Variants in ZNF727 observed in about 807,000 individuals in gnomAD.
ZNF727 encodes the protein putative zinc finger protein 727.
A neutral mutation model predicts 11.5 loss-of-function variants in ZNF727; 11 were observed. That is an observed-to-expected ratio of 0.95 (90% CI 0.60 to 1.58). ZNF727 has a LOEUF of 1.58. Among genes scored for constraint, ZNF727 ranks in the 40% most tolerant of loss-of-function variants. ZNF727 has a pLI of 0.00. For missense variants in ZNF727, 533 were observed against 581.7 expected (o/e 0.92, Z 0.86); for synonymous variants, 171 against 196.1 (o/e 0.87, Z 1.07).
intron 1 of ZNF727, among the ~76,000 whole-genome samples, chr7:64,055,496 A>G (rs1789670103): frequency 6.6e-6 from 1 of 152,032 alleles, no homozygotes; most frequent in Non-Finnish European, 1.5e-5. Context: ...GATGTTCATA[A>G]TTCTTTTTGT....
Position 64,082,422 on chromosome 7 carries a change from T to C in ZNF727, c.*3873T>C, listed in dbSNP as rs2116341260. The stretch of plus-strand genomic sequence containing the variant: ...TGACAACATTATCACCAGTGAATAC[T>C]GTAAAACAGCAACAATGGCAGCATG... On this transcript the variant is annotated 3_prime_UTR_variant, in exon 4 of 4. Coordinates refer to ENST00000456806, the MANE Select transcript of ZNF727 (RefSeq NM_001159522.3). 6.6e-6 allele frequency among the ~76,000 whole-genome samples: 1 copy of C among 152,366 alleles called. No homozygotes were observed. The highest frequency in any genetic ancestry group is 1.5e-5 in the Non-Finnish European group (1 of 68,038).
Position 64,077,914 on chromosome 7 carries a change from T to C in ZNF727, c.865T>C (p.Cys289Arg). Residue 289 changes from cysteine to arginine, a missense_variant, in exon 4 of 4, where the codon TGT becomes CGT. This residue lies in a region of ZNF727 where 463 missense variants were observed against 494.5 expected (regional missense o/e 0.94). Coordinates refer to ENST00000456806, the MANE Select transcript of ZNF727 (RefSeq NM_001159522.3). ...TGEKPYKCKE[C>R]HKAFRCCSDL... ...AGAGAAACCCTACAAATGTAAAGAA[T>C]GTCACAAAGCCTTTAGGTGTTGCTC... The C allele has an allele frequency of 6.3e-7, 1 of 1,587,260 alleles. No homozygotes were observed. The highest frequency in any genetic ancestry group is 8.6e-7 in the Non-Finnish European group (1 of 1,166,138).
chr7:64,069,643 T>A (rs1185899300), intron 3 of ZNF727, 34 bp downstream of exon 3: 1 of 1,492,386 alleles, frequency 6.7e-7, no homozygotes, highest in Non-Finnish European at 9.1e-7. Context: ...ATGACATAAA[T>A]GACGGTTCCC....
intron 1 of ZNF727, among the ~76,000 whole-genome samples, chr7:64,061,193 T>G (rs1358287234): frequency 6.6e-6 from 1 of 152,194 alleles, no homozygotes; most frequent in Non-Finnish European, 1.5e-5. Flanking sequence ...GTCTATTTGG[T>G]CCATAGTGCA....
In ZNF727 at chr7:64,079,614, T is replaced by C. The variant is rs1785752015; in HGVS notation, c.*1065T>C. On this transcript the variant is annotated 3_prime_UTR_variant, in exon 4 of 4. Transcript: ENST00000456806. ...CAGCATACCATTAGATCTTGGTTCT[T>C]TATTTGCCACTCTGTTTTTTAATTT... Among the ~76,000 whole-genome samples the C allele has an allele frequency of 6.6e-6, 1 of 152,200 alleles. No individual in the cohort carries two copies. The highest frequency in any genetic ancestry group is 1.5e-5 in the Non-Finnish European group (1 of 68,022).
chr7:64,052,567 C>T (rs139562781), intron 1 of ZNF727, among the ~76,000 whole-genome samples: 4,154 of 152,166 alleles, frequency 0.027, 197 homozygotes, highest in East Asian at 0.18. Flanking sequence ...GGGTCAGAGC[C>T]CCCACACAAA....
At chr7:64,075,457 G>A (rs1267190075) in intron 3 of ZNF727, among the ~76,000 whole-genome samples, 1 of 151,134 alleles carries the variant, frequency 6.6e-6, no homozygotes, top group Non-Finnish European at 1.5e-5. Context: ...AAACTTCATT[G>A]TCTTCAATAG....
chr7:64,062,817 A>G (rs1241688549), intron 1 of ZNF727, among the ~76,000 whole-genome samples: 1 of 149,652 alleles, frequency 6.7e-6, no homozygotes, highest in Non-Finnish European at 1.5e-5. Flanking sequence ...TTTTTGTCTC[A>G]TCTGACTGTA....
Position 64,082,214 on chromosome 7 carries a change from G to A in ZNF727, c.*3665G>A, listed in dbSNP as rs191168845. Among the ~76,000 whole-genome samples, 12 of 152,266 alleles carry A rather than the reference G, an allele frequency of 7.9e-5. No homozygotes were observed. Among genetic ancestry groups the A allele is most frequent in the East Asian group, 7.8e-4 (4 of 5,158 alleles). ...TTGGAGGCTCTGTCTAGGGAGTTGC[G>A]AAGTTGCTACTGGCTCAATAGCTCT... On this transcript the variant is annotated 3_prime_UTR_variant, in exon 4 of 4. Transcript: ENST00000456806.
rs28360698 is a variant in ZNF727, at chr7:64,078,546, G to T, written c.1497G>T (p.Arg499Ser). 3 of 1,556,776 alleles carry T rather than the reference G, an allele frequency of 1.9e-6. No individual in the cohort carries two copies. The highest frequency in any genetic ancestry group is 2.7e-5 in the African/African-American group (2 of 72,806). ...LGGSQTLLNI[R>S] ...GTTCTCAGACCTTACTAAACATAAG[G>T]TAATTCATACTGGAGATAAACCTTA... Residue 499 changes from arginine to serine, a missense_variant, in exon 4 of 4, where the codon AGG (arginine) becomes AGT (serine). By Grantham distance (110) the Arg-to-Ser change is moderately radical. Around this residue, in one of 3 missense-constraint regions of ZNF727, gnomAD observed 54 missense variants for 48.6 expected, o/e 1.11. Transcript: ENST00000456806.
At chr7:64,055,560 C>T (rs1052603450) in intron 1 of ZNF727, among the ~76,000 whole-genome samples, 1 of 152,160 alleles carries the variant, frequency 6.6e-6, no homozygotes, top group Non-Finnish European at 1.5e-5. Context: ...TTATAACCAC[C>T]ATTCTACTTT....
intron 1 of ZNF727, among the ~76,000 whole-genome samples, chr7:64,046,680 T>A (rs1441652051): frequency 6.6e-6 from 1 of 152,234 alleles, no homozygotes; most frequent in African/African-American, 2.4e-5. Flanking sequence ...CAGTTAATCC[T>A]CTTTCTTATA....
At chr7:64,075,912 A>G (rs1408253787) in intron 3 of ZNF727, among the ~76,000 whole-genome samples, 2 of 152,176 alleles carry the variant, frequency 1.3e-5, no homozygotes, top group Non-Finnish European at 2.9e-5. Context: ...ATACCAAAAT[A>G]TGTGCTCTTT....
At chr7:64,077,146 AAAGGAAGTAGAGCC>A in intron 3 of ZNF727, 116 bp from the exon 4 acceptor site, 1 of 941,332 alleles carries the variant, frequency 1.1e-6, no homozygotes. Flanking sequence ...ATATGTCTAT[AAAGGAAGTAGAGCC>A]TGTGGTATTT....
At position 64,080,151 on chromosome 7, in the gene ZNF727, G is replaced by C. The variant is rs1785763813; in HGVS notation, c.*1602G>C. On this transcript the variant is annotated 3_prime_UTR_variant, in exon 4 of 4. Coordinates refer to ENST00000456806, the MANE Select transcript of ZNF727 (RefSeq NM_001159522.3). ...GTATCTTGGGGATGACCTTCTCGTG[G>C]GGTATATTATTGGGGTTCTCCACAT... Among the ~76,000 whole-genome samples, 1 of 151,928 alleles carries C rather than the reference G, an allele frequency of 6.6e-6. No homozygotes were observed. Among genetic ancestry groups the C allele is most frequent in the Non-Finnish European group, 1.5e-5 (1 of 67,958 alleles).
intron 3 of ZNF727, 35 bp downstream of exon 3, chr7:64,069,644 G>A (rs1168812000): frequency 1.3e-6 from 2 of 1,489,684 alleles, no homozygotes; most frequent in Non-Finnish European, 1.8e-6. Flanking sequence ...TGACATAAAT[G>A]ACGGTTCCCA....
chr7:64,077,497 T>C lies in ZNF727; in HGVS notation c.448T>C (p.Cys150Arg), dbSNP rs1785689771. 2 of 1,551,540 alleles carry C rather than the reference T, an allele frequency of 1.3e-6. No individual in the cohort carries two copies. The highest frequency in any genetic ancestry group is 2.0e-5 in the Admixed American group (1 of 50,964). ...TAGCAAAACCTGTCAATATAATAAA[T>C]GTGGCAAAGCTTTTGGGTTGTGCTC... ...TRSKTCQYNK[C>R]GKAFGLCSIF... Residue 150 changes from cysteine to arginine, a missense_variant, in exon 4 of 4, where the codon TGT (cysteine) becomes CGT (arginine). Physicochemically the swap from Cys to Arg is radical, Grantham distance 180. This residue lies in a region of ZNF727 where 463 missense variants were observed against 494.5 expected (regional missense o/e 0.94). Coordinates refer to ENST00000456806, the MANE Select transcript of ZNF727 (RefSeq NM_001159522.3).
Position 64,077,456 on chromosome 7 carries a change from G to A in ZNF727, c.407G>A (p.Cys136Tyr). Residue 136 changes from cysteine (C) to tyrosine (Y), a missense_variant, in exon 4 of 4, where the codon TGT becomes TAT. By Grantham distance (194) the Cys-to-Tyr change is radical. This residue lies in a region of ZNF727 where 463 missense variants were observed against 494.5 expected (regional missense o/e 0.94). Transcript: ENST00000456806. Reference sequence around the variant, plus strand: ...AGCAGTTATAATGGCATTCATCAATGTTTGTCAGCTACCCGTAGCAAAACC... The same window carrying A: ...AGCAGTTATAATGGCATTCATCAATATTTGTCAGCTACCCGTAGCAAAACC... The part of the protein sequence containing the change: ...QKSSYNGIHQ[C>Y]LSATRSKTCQ... 4 of 1,551,480 alleles carry A rather than the reference G, an allele frequency of 2.6e-6. No individual in the cohort carries two copies. Among genetic ancestry groups the A allele is most frequent in the South Asian group, 1.2e-5 (1 of 84,054 alleles).
In ZNF727 at chr7:64,078,484, C is replaced by T; in HGVS notation, c.1435C>T (p.Pro479Ser). ...KHKRSHTGDR[P>S]TSAKNVAKPL... is the part of the protein sequence containing the mutation. ...CAAGAGAAGTCATACTGGAGACAGA[C>T]CTACAAGTGCAAAGAATGTGGCAAA... is the stretch of plus-strand genomic sequence containing the variant. The change falls in exon 4 of 4, where the codon CCT (proline) becomes TCT (serine). Residue 479 changes from proline to serine, a missense_variant. Physicochemically the swap from Pro to Ser is moderately conservative, Grantham distance 74. Around this residue, in one of 3 missense-constraint regions of ZNF727, gnomAD observed 54 missense variants for 48.6 expected, o/e 1.11. Coordinates refer to ENST00000456806, the MANE Select transcript of ZNF727 (RefSeq NM_001159522.3). 1 of 1,565,422 alleles carries T rather than the reference C, an allele frequency of 6.4e-7. No individual in the cohort carries two copies. Among genetic ancestry groups the T allele is most frequent in the Middle Eastern group, 1.7e-4 (1 of 5,996 alleles).
Sources: allele counts gnomAD v4.1 joint callset (sites outside exome capture counted in the v4.1 genomes callset), GRCh38; gene constraint gnomAD v4.1.1; regional missense constraint gnomAD v4.1.1; transcripts MANE v1.5; gene names NCBI Gene and HGNC (gene_info 2026-07-23, HGNC 2026-07-21).